The following CCDC136 variants were observed in gnomAD, a reference collection of about 807,000 sequenced individuals.
The protein encoded by CCDC136 is coiled-coil domain-containing protein 136.
CCDC136 carries 100 observed loss-of-function variants against 141.2 expected under a neutral mutation model. The ratio of observed to expected loss-of-function variants is 0.71; its 90% CI spans 0.60 to 0.84. The LOEUF (loss-of-function observed/expected upper bound fraction) is 0.84. CCDC136 is among the 40% of genes least tolerant of loss of function. CCDC136 has a pLI of 0.00. For missense variants in CCDC136, 1,206 were observed against 1,379.4 expected (o/e 0.87, Z 1.99); for synonymous variants, 474 against 531.9 (o/e 0.89, Z 1.50).
chr7:128,801,937 C>A (rs576343276), intron 4 of CCDC136, among the ~76,000 whole-genome samples: 46 of 152,252 alleles, frequency 3.0e-4, no homozygotes, highest in African/African-American at 1.1e-3. Context: ...TGGGAAAACC[C>A]TTCCTGGGAA....
At position 128,807,356 on chromosome 7, in the gene CCDC136, C is replaced by A; in HGVS notation, c.1420-4C>A. ...TGATGGCCAGGCCTGCCTCCCCTGCCCAGGACACAGAGACGCACGCTCAGC... is the reference window on the plus strand; with the variant it reads ...TGATGGCCAGGCCTGCCTCCCCTGCACAGGACACAGAGACGCACGCTCAGC... On this transcript the variant is annotated splice_polypyrimidine_tract_variant and splice_region_variant and intron_variant, in intron 9 of 17. Coordinates refer to ENST00000297788, the MANE Select transcript of CCDC136 (RefSeq NM_022742.5). 6.7e-7 allele frequency: 1 copy of A among 1,501,288 alleles called. No individual in the cohort carries two copies. The highest frequency in any genetic ancestry group is 8.9e-7 in the Non-Finnish European group (1 of 1,121,772). The allele number at this position is 1,501,288 out of a possible 1,614,324, so 93.0% of individuals were successfully genotyped here. A position where few individuals can be genotyped will look rare whatever the true frequency, so the allele number is the denominator to read the frequency against.
intron 17 of CCDC136, among the ~76,000 whole-genome samples, chr7:128,820,898 T>C (rs1263297830): frequency 6.6e-6 from 1 of 152,216 alleles, no homozygotes; most frequent in African/African-American, 2.4e-5. Flanking sequence ...TCTGAGAAAA[T>C]GTGTTCTTAG....
rs769050357 is a variant in CCDC136 at position 128,810,280 on chromosome 7, C to T, written c.1942C>T (p.Arg648Cys). Residue 648 changes from arginine (R) to cysteine (C), a missense_variant, in exon 12 of 18, where the codon CGT becomes TGT. Coordinates refer to ENST00000297788, the MANE Select transcript of CCDC136 (RefSeq NM_022742.5). ...ATTAGAGATCCACGAAGAGCTGCGA[C>T]GTTTCAAAGAGTCTCATTTCCAGGA... ...EQLEIHEELR[R>C]FKESHFQEVL... is the part of the protein sequence containing the mutation. 4.1e-5 allele frequency: 66 copies of T among 1,613,824 alleles called. 1 individual carries two copies. The highest frequency in any genetic ancestry group is 3.0e-4 in the South Asian group (27 of 91,062).
Position 128,812,906 on chromosome 7 carries a change from G to GC in CCDC136, c.2746dup (p.Gln916ProfsTer6), listed in dbSNP as rs1562972762. 3 of 1,609,418 alleles carry GC rather than the reference G, an allele frequency of 1.9e-6. No homozygotes were observed. Among genetic ancestry groups the GC allele is most frequent in the Admixed American group, 1.7e-5 (1 of 59,402 alleles). The stretch of plus-strand genomic sequence containing the variant: ...CATGGAATGCCTTGAAAAGCCCATG[G>GC]CCCCCCAGAACGACAAGAATGAGGT... On this transcript the variant is annotated frameshift_variant, in exon 14 of 18. Coordinates refer to ENST00000297788, the MANE Select transcript of CCDC136 (RefSeq NM_022742.5). LOFTEE classifies it high-confidence loss of function.
rs374313513 is a variant in CCDC136, at chr7:128,807,374, C to T, written c.1434C>T (p.His478=). Residue 478 remains histidine, a synonymous_variant, in exon 10 of 18, where the codon CAC becomes CAT. Coordinates refer to ENST00000297788, the MANE Select transcript of CCDC136 (RefSeq NM_022742.5). ...KESNEKDTET[H]AQLQEMKQLY... is the part of the protein sequence containing the mutation. ...CCCCTGCCCAGGACACAGAGACGCA[C>T]GCTCAGCTTCAGGAGATGAAGCAGC... 63 of 1,545,456 alleles carry T rather than the reference C, an allele frequency of 4.1e-5. No individual in the cohort carries two copies. The highest frequency in any genetic ancestry group is 3.9e-4 in the African/African-American group (28 of 72,352).
rs1447461920 is a variant in CCDC136 at position 128,815,624 on chromosome 7, T to A, written c.3056T>A (p.Val1019Glu). ...ACTCCCACCCCACAGAGTCTGGAGG[T>A]AGTGCTGTACTACAAGGCCAGCCAG... ...SDLETRKSLE[V>E]VLYYKASQRK... Residue 1019 changes from valine to glutamate, a missense_variant, in exon 16 of 18, where the codon GTA (valine) becomes GAA (glutamate). Physicochemically the swap from Val to Glu is moderately radical, Grantham distance 121. Transcript: ENST00000297788. The A allele has an allele frequency of 6.4e-7, 1 of 1,554,014 alleles. No individual in the cohort carries two copies. The highest frequency in any genetic ancestry group is 2.0e-5 in the Admixed American group (1 of 51,228).
intron 12 of CCDC136, among the ~76,000 whole-genome samples, chr7:128,810,612 G>A (rs899153130): frequency 1.3e-5 from 2 of 152,236 alleles, no homozygotes; most frequent in Non-Finnish European, 2.9e-5. Flanking sequence ...ACAGTGCCCA[G>A]TTGAAGCACT....
At position 128,794,588 on chromosome 7, in the gene CCDC136, C is replaced by T. The variant is rs1394669960; in HGVS notation, c.257C>T (p.Ser86Phe). ...CTGGCAGGGCAGCATGAGGATGACT[C>T]CTTGGAGCTACAGGGTGAGTGCCTG... ...RELAGQHEDD[S>F]LELQGLLEDE... Residue 86 changes from serine (S) to phenylalanine (F), a missense_variant, in exon 2 of 18, where the codon TCC (serine) becomes TTC (phenylalanine). By Grantham distance (155) the Ser-to-Phe change is radical. Transcript: ENST00000297788. The surrounding 1 kb of genome is among the most constrained non-coding windows in gnomAD (Gnocchi z 4.3). 50 of 1,553,736 alleles carry T rather than the reference C, an allele frequency of 3.2e-5. No individual in the cohort carries two copies. Among genetic ancestry groups the T allele is most frequent in the Non-Finnish European group, 4.4e-5 (50 of 1,148,334 alleles).
At chr7:128,799,526 G>T (rs1441357485) in intron 3 of CCDC136, among the ~76,000 whole-genome samples, 1 of 151,590 alleles carries the variant, frequency 6.6e-6, no homozygotes, top group African/African-American at 2.4e-5. Context: ...GAGCAAACCA[G>T]ATATGCTCTC....
At position 128,801,205 on chromosome 7, in the gene CCDC136, G is replaced by A. The variant is rs201330064; in HGVS notation, c.366G>A (p.Arg122=). 85 of 1,613,320 alleles carry A rather than the reference G, an allele frequency of 5.3e-5. No individual in the cohort carries two copies. Among genetic ancestry groups the A allele is most frequent in the Middle Eastern group, 1.7e-4 (1 of 6,060 alleles). The change falls in exon 4 of 18, where the codon CGG becomes CGA. Residue 122 remains arginine (R), a synonymous_variant. Transcript: ENST00000297788. ...TTGCAGGTGAGCTGCGTTCTCTACG[G>A]GAGGAGATTTCCCTGTTAGAGCATG... is the stretch of plus-strand genomic sequence containing the variant. ...QQLQGELRSL[R]EEISLLEHEK... is the part of the protein sequence containing the mutation.
Position 128,805,812 on chromosome 7 carries a change from A to G in CCDC136, c.1000A>G (p.Ser334Gly). 1 of 1,613,762 alleles carries G rather than the reference A, an allele frequency of 6.2e-7. No homozygotes were observed. The highest frequency in any genetic ancestry group is 1.1e-5 in the South Asian group (1 of 91,026). Residue 334 changes from serine to glycine, a missense_variant, in exon 7 of 18, where the codon AGT (serine) becomes GGT (glycine). Transcript: ENST00000297788. The surrounding 1 kb of genome is among the most constrained non-coding windows in gnomAD (Gnocchi z 4.6). ...AGAGCTACAGCATCATCGCCAGGTC[A>G]GTGAGGAGGAGCAGAGGCGGCTGCA... ...LEELQHHRQVSEEEQRRLQRE... is the reference protein window; with the variant it reads ...LEELQHHRQVGEEEQRRLQRE...
Position 128,796,739 on chromosome 7 carries a change from A to ATATTTTT in CCDC136, c.346+1972_346+1973insATTTTTT. On this transcript the variant is annotated intron_variant, in intron 3 of 17. Coordinates refer to ENST00000297788, the MANE Select transcript of CCDC136 (RefSeq NM_022742.5). ...TGATTCAGAATATATATATATATAT[A>ATATTTTT]TTCTTTTTTTTTTTTTTTTTGAGAC... 2.0e-4 allele frequency among the ~76,000 whole-genome samples: 23 copies of ATATTTTT among 113,380 alleles called. 1 individual carries two copies. The highest frequency in any genetic ancestry group is 9.6e-4 in the African/African-American group (21 of 21,810). 74.4% of individuals were successfully genotyped at this position (113,380 alleles called of 152,430 possible).
intron 14 of CCDC136, 35 bp downstream of exon 14, chr7:128,812,964 C>G: frequency 6.8e-7 from 1 of 1,470,252 alleles, no homozygotes; most frequent in Non-Finnish European, 9.4e-7. Context: ...TTTCCTCTGG[C>G]AGCCCCTGGA....
Position 128,807,488 on chromosome 7 carries a change from G to A in CCDC136, c.1548G>A (p.Leu516=). The change falls in exon 10 of 18, where the codon CTG becomes CTA. Residue 516 remains leucine (L), a synonymous_variant. Coordinates refer to ENST00000297788, the MANE Select transcript of CCDC136 (RefSeq NM_022742.5). ...ACCTCCTGCTCTGCCAGCTGGAGCT[G>A]AAAGAGCTCAAGGCCTCCCACCCCA... ...EQDLLLCQLE[L]KELKASHPIP... is the part of the protein sequence containing the mutation. 9 of 1,541,288 alleles carry A rather than the reference G, an allele frequency of 5.8e-6. No individual in the cohort carries two copies. The highest frequency in any genetic ancestry group is 7.9e-6 in the Non-Finnish European group (9 of 1,142,714).
Position 128,805,278 on chromosome 7 carries a change from A to T in CCDC136, c.783-81A>T. Reference sequence around the variant, plus strand: ...CCTTACTATCTTTGGCCTAAAATGAAGGTATCAGGACAAAGCCTGCATGGC... The same window carrying T: ...CCTTACTATCTTTGGCCTAAAATGATGGTATCAGGACAAAGCCTGCATGGC... On this transcript the variant is annotated intron_variant, in intron 5 of 17. Transcript: ENST00000297788. The surrounding 1 kb of genome is among the most constrained non-coding windows in gnomAD (Gnocchi z 4.6). The T allele has an allele frequency of 8.2e-7, 1 of 1,221,504 alleles. No individual in the cohort carries two copies. The highest frequency in any genetic ancestry group is 1.2e-6 in the Non-Finnish European group (1 of 844,662). The allele number at this position is 1,221,504 out of a possible 1,614,324, so 75.7% of individuals were successfully genotyped here.
At chr7:128,818,955 C>T (rs971747633) in intron 17 of CCDC136, among the ~76,000 whole-genome samples, 1 of 152,126 alleles carries the variant, frequency 6.6e-6, no homozygotes, top group African/African-American at 2.4e-5. Context: ...GTTGGTGGCA[C>T]TTCTCTCCAT....
intron 12 of CCDC136, 129 bp from the exon 13 acceptor site, chr7:128,811,671 C>T (rs547706183): frequency 3.5e-5 from 28 of 807,502 alleles, no homozygotes; most frequent in South Asian, 9.4e-5. Context: ...AGACATAGGC[C>T]GGGGTGAGGT....
chr7:128,791,376 C>T (rs1340570186), upstream of CCDC136: 18 of 661,344 alleles, frequency 2.7e-5, no homozygotes, highest in Non-Finnish European at 3.8e-5. The surrounding 1 kb of genome is among the most constrained non-coding windows in gnomAD (Gnocchi z 7.1). Flanking sequence ...TCAGGAGGCC[C>T]GGCCAGGCCC....
chr7:128,807,455 G>A lies in CCDC136; in HGVS notation c.1515G>A (p.Leu505=). The change falls in exon 10 of 18, where the codon CTG becomes CTA. Residue 505 remains leucine (L), a synonymous_variant. Coordinates refer to ENST00000297788, the MANE Select transcript of CCDC136 (RefSeq NM_022742.5). ...LERQKHMYDQ[L]EQDLLLCQLE... is the part of the protein sequence containing the mutation. Reference sequence around the variant, plus strand: ...GGCAGAAGCACATGTATGACCAGCTGGAGCAGGACCTCCTGCTCTGCCAGC... The same window carrying A: ...GGCAGAAGCACATGTATGACCAGCTAGAGCAGGACCTCCTGCTCTGCCAGC... 1 of 1,564,038 alleles carries A rather than the reference G, an allele frequency of 6.4e-7. No homozygotes were observed. Among genetic ancestry groups the A allele is most frequent in the Non-Finnish European group, 8.7e-7 (1 of 1,155,190 alleles).
Sources: allele counts gnomAD v4.1 joint callset (sites outside exome capture counted in the v4.1 genomes callset), GRCh38; gene constraint gnomAD v4.1.1; non-coding constraint Gnocchi (gnomAD v3.1); transcripts MANE v1.5; gene names NCBI Gene and HGNC (gene_info 2026-07-23, HGNC 2026-07-21).